AASS: variants seen among roughly 807,000 people sequenced by gnomAD.
AASS encodes aminoadipate-semialdehyde synthase.
AASS carries 86 observed loss-of-function variants against 105.4 expected under a neutral mutation model. The observed-to-expected ratio is 0.82, with a 90% CI of 0.69 to 0.98. The LOEUF (loss-of-function observed/expected upper bound fraction) is 0.98, where lower values mean the gene tolerates loss of function less well. Among genes scored for constraint, AASS ranks in the 50% least tolerant of loss-of-function variants. The pLI is 0.00. For missense variants in AASS, 1,048 were observed against 1,143.2 expected, an observed-to-expected ratio of 0.92 and a Z score of 1.20; for synonymous variants, 381 against 394.8, an observed-to-expected ratio of 0.96 and a Z score of 0.41.
At chr7:122,096,730 A>G (rs914843756) in intron 15 of AASS, among the ~76,000 whole-genome samples, 1 of 152,184 alleles carries the variant, frequency 6.6e-6, no homozygotes, top group African/African-American at 2.4e-5. Flanking sequence ...AACATTAAAT[A>G]TAAAACAGTT....
chr7:122,104,164 G>A (rs953275610), intron 11 of AASS, among the ~76,000 whole-genome samples: 1 of 151,872 alleles, frequency 6.6e-6, no homozygotes, highest in Admixed American at 6.6e-5. Context: ...AACACAGAGT[G>A]GCTGAATGGA....
chr7:122,101,520 G>A (rs1224301325), intron 12 of AASS, 82 bp from the exon 13 acceptor site: 1 of 1,480,206 alleles, frequency 6.8e-7, no homozygotes, highest in Non-Finnish European at 9.4e-7. Flanking sequence ...ATAGAGAAAA[G>A]ACAGAATGAC....
chr7:122,084,964 G>A (rs527686572), intron 19 of AASS, among the ~76,000 whole-genome samples: 6 of 152,022 alleles, frequency 3.9e-5, no homozygotes, highest in African/African-American at 7.2e-5. Flanking sequence ...GGGCCCTGTC[G>A]CCAAATTCAT....
chr7:122,124,164 C>T (rs962570848), intron 4 of AASS, among the ~76,000 whole-genome samples: 34 of 152,198 alleles, frequency 2.2e-4, no homozygotes, highest in East Asian at 1.5e-3. Context: ...CTGTCCTCTC[C>T]TACTTCCCTG....
At chr7:122,090,843 C>A (rs2016284) in intron 18 of AASS, among the ~76,000 whole-genome samples, 12,926 of 152,134 alleles carry the variant, frequency 0.085, 614 homozygotes, top group East Asian at 0.15. Flanking sequence ...AACTGTCATA[C>A]CATGAGTGCT....
intron 18 of AASS, among the ~76,000 whole-genome samples, 191 bp from the exon 19 acceptor site, chr7:122,086,370 A>G (rs1398009442): frequency 6.6e-6 from 1 of 152,136 alleles, no homozygotes; most frequent in Non-Finnish European, 1.5e-5. Flanking sequence ...TTCTTCTCTC[A>G]AGCTTTAAAA....
At chr7:122,091,878 T>C in intron 17 of AASS, 35 bp from the exon 18 acceptor site, 1 of 1,450,688 alleles carries the variant, frequency 6.9e-7, no homozygotes, top group Non-Finnish European at 9.6e-7. Flanking sequence ...AAGGAAGAAT[T>C]CACAACTTAG....
intron 19 of AASS, among the ~76,000 whole-genome samples, chr7:122,084,071 A>G (rs752701665): frequency 6.6e-6 from 1 of 152,180 alleles, no homozygotes; most frequent in African/African-American, 2.4e-5. Context: ...CTATACTGAA[A>G]GCTATATATC....
intron 17 of AASS, among the ~76,000 whole-genome samples, chr7:122,092,243 C>T (rs1013640878): frequency 2.6e-5 from 4 of 151,936 alleles, no homozygotes; most frequent in African/African-American, 4.8e-5. Flanking sequence ...AATAGTACCT[C>T]GCCAAAGGTA....
intron 1 of AASS, among the ~76,000 whole-genome samples, chr7:122,141,296 A>G (rs1796383745): frequency 1.3e-5 from 2 of 152,186 alleles, no homozygotes; most frequent in Non-Finnish European, 2.9e-5. Flanking sequence ...TCTCCAGCCC[A>G]TCACCTACTC....
At chr7:122,095,161 C>G (rs764390152) in intron 15 of AASS, among the ~76,000 whole-genome samples, 3 of 151,928 alleles carry the variant, frequency 2.0e-5, no homozygotes, top group African/African-American at 7.3e-5. Flanking sequence ...TGAGTAGACT[C>G]CAGGAAGGGT....
chr7:122,113,558 C>G (rs774649751), intron 10 of AASS, 40 bp downstream of exon 10: 1 of 1,609,200 alleles, frequency 6.2e-7, no homozygotes, highest in African/African-American at 1.3e-5. Flanking sequence ...ATCAATGTAA[C>G]TAAGTGAGGA....
chr7:122,124,026 C>A (rs1278986286), intron 4 of AASS, among the ~76,000 whole-genome samples: 2 of 152,190 alleles, frequency 1.3e-5, no homozygotes, highest in Non-Finnish European at 2.9e-5. Context: ...CCTGTGAATT[C>A]CACCTTCTAA....
At chr7:122,116,548 T>C in intron 8 of AASS, 85 bp downstream of exon 8, 1 of 1,559,368 alleles carries the variant, frequency 6.4e-7, no homozygotes, top group Admixed American at 1.7e-5. Context: ...AAAGCCATTG[T>C]ACAATTCATA....
At chr7:122,139,496 G>A (rs1460672243) in intron 1 of AASS, among the ~76,000 whole-genome samples, 1 of 151,778 alleles carries the variant, frequency 6.6e-6, no homozygotes, top group Non-Finnish European at 1.5e-5. Context: ...AGAAATAGGG[G>A]ATTTTTTTCT....
At chr7:122,107,424 G>T (rs1794716752) in intron 11 of AASS, among the ~76,000 whole-genome samples, 1 of 151,964 alleles carries the variant, frequency 6.6e-6, no homozygotes, top group African/African-American at 2.4e-5. Context: ...TCTATCATAA[G>T]GACACATACA....
intron 1 of AASS, among the ~76,000 whole-genome samples, chr7:122,134,772 T>TG (rs11379836): frequency 1 from 152,255 of 152,258 alleles, 76,126 homozygotes; most frequent in Middle Eastern, 1. Flanking sequence ...ATCTCATTAC[T>TG]GGTATATACC....
intron 23 of AASS, 127 bp from the exon 24 acceptor site, chr7:122,076,734 A>G: frequency 1.3e-6 from 1 of 742,160 alleles, no homozygotes; most frequent in African/African-American, 1.7e-5. Flanking sequence ...GCATTTTTTA[A>G]GTAGCTGCTT....
chr7:122,097,152 C>T (rs1794197486), intron 15 of AASS, among the ~76,000 whole-genome samples: 1 of 150,318 alleles, frequency 6.7e-6, no homozygotes, highest in South Asian at 2.1e-4. Context: ...ACAGAACTAC[C>T]TTTCATTATA....
Sources: gnomAD v4.1 joint callset for allele counts (sites outside exome capture counted in the v4.1 genomes callset) on GRCh38, gnomAD v4.1.1 for gene constraint, MANE v1.5 for transcripts, NCBI Gene and HGNC (gene_info 2026-07-23, HGNC 2026-07-21) for gene names.